Variants in CAMK1D observed in about 807,000 individuals in gnomAD.
The protein encoded by CAMK1D is calcium/calmodulin dependent protein kinase ID.
A neutral mutation model predicts 47.7 loss-of-function variants in CAMK1D; 9 were observed. The ratio of observed to expected loss-of-function variants is 0.19; its 90% CI spans 0.11 to 0.33. The LOEUF (loss-of-function observed/expected upper bound fraction) is 0.33. CAMK1D is among the 10% of genes least tolerant of loss of function. The pLI is 1.00. For missense variants in CAMK1D, 291 were observed against 488.7 expected (o/e 0.60, Z 3.81); for synonymous variants, 184 against 184.9 (o/e 0.99, Z 0.04).
chr10:12,623,791 A>G (rs1203311279), intron 2 of CAMK1D, among the ~76,000 whole-genome samples: 3 of 152,056 alleles, frequency 2.0e-5, no homozygotes, highest in African/African-American at 4.8e-5. Context: ...TTAAATTGCA[A>G]TTAAGGGCCG....
At chr10:12,483,367 A>C (rs1227235858) in intron 1 of CAMK1D, among the ~76,000 whole-genome samples, 1 of 152,032 alleles carries the variant, frequency 6.6e-6, no homozygotes, top group Non-Finnish European at 1.5e-5. Context: ...CGCCTGGCTA[A>C]CTTTTGCATT....
rs373479600 is a variant in CAMK1D, at chr10:12,767,323, G to A, written c.439-2350G>A. Among the ~76,000 whole-genome samples, 49 of 151,886 alleles carry A rather than the reference G, an allele frequency of 3.2e-4. 1 individual carries two copies. In the East Asian group the frequency reaches 5.2e-3, roughly 16 times the overall value. Reference sequence around the variant, plus strand: ...CTCCTGAGTAGCTGGGATTACAGGCGCCCGCCACCATGCCTGGGTAATTTT... The same window carrying A: ...CTCCTGAGTAGCTGGGATTACAGGCACCCGCCACCATGCCTGGGTAATTTT... On this transcript the variant is annotated intron_variant, in intron 4 of 10. Transcript: ENST00000619168.
chr10:12,643,193 G>A (rs557570574), intron 2 of CAMK1D, among the ~76,000 whole-genome samples: 1 of 152,084 alleles, frequency 6.6e-6, no homozygotes, highest in Non-Finnish European at 1.5e-5. Flanking sequence ...AGTAGAGATG[G>A]GGTTTCACCA....
At chr10:12,593,548 C>T (rs1342671926) in intron 2 of CAMK1D, among the ~76,000 whole-genome samples, 1 of 152,164 alleles carries the variant, frequency 6.6e-6, no homozygotes, top group Non-Finnish European at 1.5e-5. Context: ...CAAGATTGTG[C>T]CATTGCACTC....
At chr10:12,759,709 A>G (rs912666386) in intron 3 of CAMK1D, among the ~76,000 whole-genome samples, 5 of 152,214 alleles carry the variant, frequency 3.3e-5, no homozygotes, top group Admixed American at 2.0e-4. Context: ...TCCAAGCACA[A>G]TATTGCCTGC....
At position 12,760,990 on chromosome 10, in the gene CAMK1D, G is replaced by A. The variant is rs763138960; in HGVS notation, c.342G>A (p.Gly114=). The A allele has an allele frequency of 3.7e-6, 6 of 1,614,032 alleles. No homozygotes were observed. The African/African-American group carries it at 8.0e-5, about 22-fold the overall frequency. The change falls in exon 4 of 11, where the codon GGG becomes GGA. Residue 114 remains glycine (G), a synonymous_variant. Transcript: ENST00000619168. ...GELFDRIVEK[G]FYTEKDASTL... The stretch of plus-strand genomic sequence containing the variant: ...TGTTTGACCGGATAGTGGAGAAGGG[G>A]TTTTATACAGAGAAGGATGCCAGCA...
chr10:12,648,451 C>CTA (rs1839871415), intron 2 of CAMK1D, among the ~76,000 whole-genome samples: 1 of 152,092 alleles, frequency 6.6e-6, no homozygotes, highest in African/African-American at 2.4e-5. Context: ...GTGTCTTTCG[C>CTA]TTGCTATTTA....
chr10:12,362,638 C>A (rs1346368304), intron 1 of CAMK1D, among the ~76,000 whole-genome samples: 1 of 152,096 alleles, frequency 6.6e-6, no homozygotes, highest in Non-Finnish European at 1.5e-5. Flanking sequence ...GCTGGGACTA[C>A]AGGCGCCCGC....
chr10:12,670,741 G>T (rs953710889), intron 3 of CAMK1D, among the ~76,000 whole-genome samples: 10 of 151,996 alleles, frequency 6.6e-5, no homozygotes, highest in African/African-American at 2.2e-4. Flanking sequence ...TAGAGATGGG[G>T]TTTCACCTTG....
In CAMK1D at chr10:12,564,663, A is replaced by AT. The variant is rs1336204843; in HGVS notation, c.224+11313dup. 9.8e-5 allele frequency among the ~76,000 whole-genome samples: 15 copies of AT among 152,330 alleles called. No individual in the cohort carries two copies. In the East Asian group the frequency reaches 2.9e-3, roughly 29 times the overall value. ...GAATTTGGTAAATGGATTAATATCC[A>AT]TTTTTTAGCTATTTGCATTTTTCTG... On this transcript the variant is annotated intron_variant, in intron 2 of 10. Coordinates refer to ENST00000619168, the MANE Select transcript of CAMK1D (RefSeq NM_153498.4).
chr10:12,761,081 C>G lies in CAMK1D; in HGVS notation c.433C>G (p.Leu145Val). The change falls in exon 4 of 11, where the codon CTC becomes GTC. Residue 145 changes from leucine (L) to valine (V), a missense_variant. This residue lies in a region of CAMK1D where 219 missense variants were observed against 424.3 expected (regional missense o/e 0.52). Coordinates refer to ENST00000619168, the MANE Select transcript of CAMK1D (RefSeq NM_153498.4). ...CAGAATGGGCATCGTCCACAGAGAC[C>G]TCAAGGTGAGGCCATCGCTCAGCAG... Reference protein sequence around the residue: ...LHRMGIVHRDLKPENLLYYSQ... With the variant: ...LHRMGIVHRDVKPENLLYYSQ... 1 of 1,613,754 alleles carries G rather than the reference C, an allele frequency of 6.2e-7. No individual in the cohort carries two copies. Among genetic ancestry groups the G allele is most frequent in the Non-Finnish European group, 8.5e-7 (1 of 1,179,718 alleles).
At chr10:12,665,723 C>T (rs554575238) in intron 2 of CAMK1D, among the ~76,000 whole-genome samples, 15 of 152,348 alleles carry the variant, frequency 9.8e-5, no homozygotes, top group Middle Eastern at 3.4e-3. Context: ...ATAGTGCCAA[C>T]GGCTAGAATT....
At chr10:12,571,266 G>A (rs569817067) in intron 2 of CAMK1D, among the ~76,000 whole-genome samples, 15 of 152,036 alleles carry the variant, frequency 9.9e-5, no homozygotes, top group African/African-American at 3.6e-4. Context: ...CCAGCACAGT[G>A]AAACCCCCGT....
intron 1 of CAMK1D, among the ~76,000 whole-genome samples, chr10:12,451,002 G>A (rs1017887230): frequency 3.3e-5 from 5 of 152,244 alleles, no homozygotes; most frequent in East Asian, 1.9e-4. Flanking sequence ...AGACCTGCCC[G>A]CCATGTAAGA....
chr10:12,443,447 C>T (rs1247393440), intron 1 of CAMK1D, among the ~76,000 whole-genome samples: 1 of 151,878 alleles, frequency 6.6e-6, no homozygotes, highest in Admixed American at 6.6e-5. Context: ...CTCGTATAGT[C>T]GTGTTACAGG....
intron 1 of CAMK1D, among the ~76,000 whole-genome samples, chr10:12,412,363 A>G (rs983392518): frequency 1.3e-5 from 2 of 150,344 alleles, no homozygotes; most frequent in African/African-American, 4.9e-5. Flanking sequence ...TAATCCCAGC[A>G]CTTTGGGAGG....
At chr10:12,521,034 G>A (rs1412249758) in intron 1 of CAMK1D, among the ~76,000 whole-genome samples, 1 of 151,328 alleles carries the variant, frequency 6.6e-6, no homozygotes, top group Non-Finnish European at 1.5e-5. Context: ...CTTGGCTAGA[G>A]GTTTATCAGT....
At chr10:12,643,086 C>T (rs1203076174) in intron 2 of CAMK1D, among the ~76,000 whole-genome samples, 1 of 152,182 alleles carries the variant, frequency 6.6e-6, no homozygotes, top group Non-Finnish European at 1.5e-5. Context: ...ACTGCAACCT[C>T]CGCCTCCCGG....
rs1833466368 is a variant in CAMK1D, at chr10:12,834,114, A to G, written c.*5227A>G. On this transcript the variant is annotated 3_prime_UTR_variant, in exon 11 of 11. Coordinates refer to ENST00000619168, the MANE Select transcript of CAMK1D (RefSeq NM_153498.4). ...CCTAAAAGGAGGGTTTCTTTCCTGA[A>G]GACTCCAAGAAAATGAGTGTGCAGA... 3 of 152,208 alleles carry G rather than the reference A, an allele frequency of 2.0e-5. No homozygotes were observed. The South Asian group carries it at 6.2e-4, about 32-fold the overall frequency. 9.4% of individuals were successfully genotyped at this position (152,208 alleles called of 1,614,324 possible).
Sources: gnomAD v4.1 joint callset for allele counts (sites outside exome capture counted in the v4.1 genomes callset) on GRCh38, gnomAD v4.1.1 for gene constraint, gnomAD v4.1.1 regional missense constraint, MANE v1.5 for transcripts, NCBI Gene and HGNC (gene_info 2026-07-23, HGNC 2026-07-21) for gene names.